The following SUMF1 variants were observed in gnomAD, a reference collection of about 807,000 sequenced individuals.
SUMF1 encodes formylglycine-generating enzyme.
A neutral mutation model predicts 47.6 loss-of-function variants in SUMF1; 48 were observed. The ratio of observed to expected loss-of-function variants is 1.01; its 90% confidence interval spans 0.80 to 1.28. The LOEUF (loss-of-function observed/expected upper bound fraction) is 1.28, where lower values mean the gene tolerates loss of function less well. SUMF1 is among the 50% of genes most tolerant of loss of function. SUMF1 has a pLI of 0.00. For missense variants in SUMF1, 571 were observed against 485.4 expected (o/e 1.18, Z -1.66); for synonymous variants, 230 against 192.1 (o/e 1.20, Z -1.63).
At chr3:4,330,423 T>C (rs1699026700) in intron 8 of SUMF1, among the ~76,000 whole-genome samples, 1 of 152,218 alleles carries the variant, frequency 6.6e-6, no homozygotes, top group Non-Finnish European at 1.5e-5. Flanking sequence ...CAATCATGGC[T>C]GAAGGCAAAG....
chr3:4,301,577 C>CA (rs1174949732), intron 8 of SUMF1, among the ~76,000 whole-genome samples: 2 of 152,134 alleles, frequency 1.3e-5, no homozygotes, highest in African/African-American at 2.4e-5. Context: ...TGAGAAGAGG[C>CA]AAAAATGAGA....
At chr3:4,304,940 T>C (rs745421513) in intron 8 of SUMF1, among the ~76,000 whole-genome samples, 2 of 151,420 alleles carry the variant, frequency 1.3e-5, no homozygotes, top group African/African-American at 4.9e-5. Context: ...TGTACATGGG[T>C]TTGGTTCAGA....
intron 8 of SUMF1, among the ~76,000 whole-genome samples, chr3:4,128,332 T>A (rs1438807290): frequency 6.6e-6 from 1 of 152,098 alleles, no homozygotes; most frequent in African/African-American, 2.4e-5. Context: ...AATGGGGATG[T>A]GTAGGAGGAC....
intron 8 of SUMF1, among the ~76,000 whole-genome samples, chr3:4,076,531 T>A (rs1016582319): frequency 5.3e-5 from 8 of 151,878 alleles, no homozygotes; most frequent in Admixed American, 5.2e-4. Flanking sequence ...GCACAGCAAA[T>A]GAAACTACCA....
intron 8 of SUMF1, among the ~76,000 whole-genome samples, chr3:4,134,058 A>G (rs1277220471): frequency 6.6e-6 from 1 of 152,114 alleles, no homozygotes; most frequent in African/African-American, 2.4e-5. Context: ...AGACAGATCA[A>G]CGAGACAGAA....
chr3:4,043,134 G>A (rs553532001), intron 9 of SUMF1, among the ~76,000 whole-genome samples: 13 of 152,038 alleles, frequency 8.6e-5, no homozygotes, highest in African/African-American at 1.9e-4. Context: ...CTACAACTTC[G>A]ACTCTTATCT....
intron 8 of SUMF1, among the ~76,000 whole-genome samples, chr3:4,134,787 G>A (rs1019848994): frequency 4.6e-5 from 7 of 151,818 alleles, no homozygotes; most frequent in African/African-American, 1.7e-4. Context: ...TGATAAAGGG[G>A]GTATCACCAC....
chr3:4,292,324 T>C (rs1697756921), intron 8 of SUMF1, among the ~76,000 whole-genome samples: 1 of 152,212 alleles, frequency 6.6e-6, no homozygotes, highest in Non-Finnish European at 1.5e-5. Context: ...GCAAGGCGTT[T>C]TGTTTAGTGG....
intron 9 of SUMF1, among the ~76,000 whole-genome samples, chr3:4,058,628 G>C (rs1167273549): frequency 1.3e-5 from 2 of 152,110 alleles, no homozygotes; most frequent in Non-Finnish European, 2.9e-5. Context: ...TCATATAGGA[G>C]ATGAGTTCCT....
intron 8 of SUMF1, among the ~76,000 whole-genome samples, chr3:4,185,372 T>C (rs1286380865): frequency 6.6e-6 from 1 of 152,206 alleles, no homozygotes; most frequent in Non-Finnish European, 1.5e-5. Context: ...CTTATTTTAC[T>C]TTTCATTGTT....
intron 8 of SUMF1, among the ~76,000 whole-genome samples, chr3:4,363,625 T>A (rs957771403): frequency 3.3e-5 from 5 of 151,700 alleles, no homozygotes; most frequent in Non-Finnish European, 5.9e-5. Context: ...GACTTTGGGC[T>A]GACACAATGG....
intron 8 of SUMF1, among the ~76,000 whole-genome samples, chr3:4,147,075 C>T (rs1297279607): frequency 1.3e-5 from 2 of 152,098 alleles, no homozygotes; most frequent in Admixed American, 1.3e-4. Flanking sequence ...TGCTCATCAT[C>T]ACTGGCCATC....
At chr3:4,367,315 C>T (rs941155564) in intron 8 of SUMF1, among the ~76,000 whole-genome samples, 15 of 152,108 alleles carry the variant, frequency 9.9e-5, no homozygotes, top group Admixed American at 2.0e-4. Context: ...CTGTGCCCTG[C>T]CCCCAGAGGT....
intron 8 of SUMF1, among the ~76,000 whole-genome samples, chr3:4,305,110 C>T (rs1013167172): frequency 6.6e-6 from 1 of 151,772 alleles, no homozygotes; most frequent in Non-Finnish European, 1.5e-5. Flanking sequence ...TTTTTTGAGA[C>T]GGAGCTTGAC....
At chr3:4,053,193 T>A (rs1038818511) in intron 9 of SUMF1, among the ~76,000 whole-genome samples, 1 of 152,010 alleles carries the variant, frequency 6.6e-6, no homozygotes, top group Non-Finnish European at 1.5e-5. Context: ...ATAGGGAGGA[T>A]CAAGGAGGGG....
intron 7 of SUMF1, among the ~76,000 whole-genome samples, chr3:4,381,224 T>A (rs1216157380): frequency 1.3e-5 from 2 of 152,100 alleles, no homozygotes; most frequent in African/African-American, 4.8e-5. Flanking sequence ...ATTCTAAGTG[T>A]AGTAACTCAG....
At chr3:4,255,249 A>C (rs1184317434) in intron 8 of SUMF1, among the ~76,000 whole-genome samples, 26 of 123,614 alleles carry the variant, frequency 2.1e-4, no homozygotes, top group African/African-American at 7.8e-4. Flanking sequence ...GACAGGATCA[A>C]ATTCACACAT....
chr3:4,448,335 C>A (rs958604603), intron 3 of SUMF1, among the ~76,000 whole-genome samples: 11 of 152,188 alleles, frequency 7.2e-5, no homozygotes, highest in South Asian at 2.1e-4. Context: ...GTGAGGCCCA[C>A]CCACAGAGAT....
chr3:4,295,209 T>G (rs1697825697), intron 8 of SUMF1, among the ~76,000 whole-genome samples: 1 of 151,884 alleles, frequency 6.6e-6, no homozygotes, highest in South Asian at 2.1e-4. Flanking sequence ...GCTACCAGAG[T>G]GAGAATGCCA....
Sources: allele counts gnomAD v4.1 joint callset (sites outside exome capture counted in the v4.1 genomes callset), GRCh38; gene constraint gnomAD v4.1.1; transcripts MANE v1.5; gene names NCBI Gene and HGNC (gene_info 2026-07-23, HGNC 2026-07-21).